Variants in ANAPC10 observed in about 807,000 individuals in gnomAD.
The protein encoded by ANAPC10 is anaphase-promoting complex subunit 10.
Under a neutral mutation model 22.0 loss-of-function variants are expected in ANAPC10, and 12 were observed. The observed-to-expected ratio is 0.55, with a 90% CI of 0.35 to 0.88. ANAPC10 has a LOEUF of 0.88. Among genes scored for constraint, ANAPC10 ranks in the 40% least tolerant of loss-of-function variants. The probability of loss-of-function intolerance (pLI) is 0.01; values close to 1 mark genes in which losing one functional copy is unlikely to be tolerated. For missense variants in ANAPC10, 188 were observed against 220.9 expected (o/e 0.85, Z 0.94); for synonymous variants, 65 against 69.5 (o/e 0.94, Z 0.32).
At position 144,994,687 on chromosome 4, in the gene ANAPC10, C is replaced by T. The variant is rs1339680138; in HGVS notation, c.*686G>A. The T allele has an allele frequency of 2.0e-5, 3 of 151,986 alleles. No individual in the cohort carries two copies. Among genetic ancestry groups the T allele is most frequent in the Non-Finnish European group, 4.4e-5 (3 of 67,938 alleles). The allele number at this position is 151,986 out of a possible 1,614,324, so 9.4% of individuals were successfully genotyped here. A position where few individuals can be genotyped will look rare whatever the true frequency, so the allele number is the denominator to read the frequency against. On this transcript the variant is annotated 3_prime_UTR_variant, in exon 5 of 5. Transcript: ENST00000507656. ...ATGTCAGACACAAATTTGAAAATAA[C>T]TCTTCCATAAGTACTGCTAGAACTC...
intron 3 of ANAPC10, among the ~76,000 whole-genome samples, chr4:145,077,736 T>A (rs928840439): frequency 6.6e-5 from 10 of 152,198 alleles, no homozygotes; most frequent in African/African-American, 2.4e-4. Context: ...AATCAATAAA[T>A]GTCATTCATC....
Position 144,998,096 on chromosome 4 carries a change from C to A in ANAPC10, c.328-2493G>T, listed in dbSNP as rs189870055. Among the ~76,000 whole-genome samples, 23 of 152,276 alleles carry A rather than the reference C, an allele frequency of 1.5e-4. No individual in the cohort carries two copies. The East Asian group carries it at 3.3e-3, about 22-fold the overall frequency. ...ATTCATAAAGCAAGTCCTTAGAGATCTATAAAGAGACTTAGACTCCCACAC... is the reference window on the plus strand; with the variant it reads ...ATTCATAAAGCAAGTCCTTAGAGATATATAAAGAGACTTAGACTCCCACAC... On this transcript the variant is annotated intron_variant, in intron 4 of 4. Coordinates refer to ENST00000507656, the MANE Select transcript of ANAPC10 (RefSeq NM_001256706.2).
At chr4:145,014,474 T>C (rs1265491191) in intron 4 of ANAPC10, among the ~76,000 whole-genome samples, 2 of 151,894 alleles carry the variant, frequency 1.3e-5, no homozygotes, top group African/African-American at 4.8e-5. Flanking sequence ...CACCAAACCC[T>C]GCCCCTACCT....
At position 145,012,798 on chromosome 4, in the gene ANAPC10, T is replaced by A. The variant is rs545050980; in HGVS notation, c.328-17195A>T. On this transcript the variant is annotated intron_variant, in intron 4 of 4. Transcript: ENST00000507656. Reference sequence around the variant, plus strand: ...AAAGGGAGAAACACTTTTTAACTATTTTTATAAGGCCTTGATATAGTTTGG... The same window carrying A: ...AAAGGGAGAAACACTTTTTAACTATATTTATAAGGCCTTGATATAGTTTGG... 3.3e-5 allele frequency among the ~76,000 whole-genome samples: 5 copies of A among 152,230 alleles called. No individual in the cohort carries two copies. In the South Asian group the frequency reaches 1.0e-3, roughly 32 times the overall value.
At chr4:145,029,132 CTGA>C (rs1737170754) in intron 4 of ANAPC10, among the ~76,000 whole-genome samples, 1 of 152,126 alleles carries the variant, frequency 6.6e-6, no homozygotes, top group Non-Finnish European at 1.5e-5. Context: ...TGGGAGGACT[CTGA>C]TGAAGCTGGG....
At chr4:145,036,984 C>A (rs1738638840) in intron 4 of ANAPC10, among the ~76,000 whole-genome samples, 1 of 143,844 alleles carries the variant, frequency 7.0e-6, no homozygotes, top group Non-Finnish European at 1.5e-5. Context: ...TTTCTTATAC[C>A]AAATAGATAA....
At chr4:145,026,960 T>TATATAC (rs1288351253) in intron 4 of ANAPC10, among the ~76,000 whole-genome samples, 1 of 27,914 alleles carries the variant, frequency 3.6e-5, no homozygotes, top group African/African-American at 1.8e-4. Context: ...TGTGTGTGTA[T>TATATAC]ATATATATAT....
intron 3 of ANAPC10, among the ~76,000 whole-genome samples, chr4:145,073,552 T>A (rs1744784134): frequency 6.6e-6 from 1 of 152,136 alleles, no homozygotes; most frequent in African/African-American, 2.4e-5. Context: ...AAAGTATATA[T>A]AGGATTTTAT....
intron 4 of ANAPC10, among the ~76,000 whole-genome samples, chr4:145,011,367 A>AAAATG (rs1734286109): frequency 6.6e-6 from 1 of 150,818 alleles, no homozygotes; most frequent in African/African-American, 2.4e-5. Flanking sequence ...AAAATAAAAT[A>AAAATG]AAATAAAATA....
rs201246162 is a variant in ANAPC10, at chr4:145,081,708, T to C, written c.158A>G (p.Tyr53Cys). 1.9e-6 allele frequency: 3 copies of C among 1,612,762 alleles called. No individual in the cohort carries two copies. Among genetic ancestry groups the C allele is most frequent in the Non-Finnish European group, 2.5e-6 (3 of 1,179,534 alleles). ...AGGCTGGGAACCATCTGATTGCCAATAAGTTTCTAGATTGTCATCTCGTAA... is the reference window on the plus strand; with the variant it reads ...AGGCTGGGAACCATCTGATTGCCAACAAGTTTCTAGATTGTCATCTCGTAA... ...DQLRDDNLET[Y>C]WQSDGSQPHL... Residue 53 changes from tyrosine (Y) to cysteine (C), a missense_variant, in exon 3 of 5, where the codon TAT (tyrosine) becomes TGT (cysteine). Transcript: ENST00000507656.
At chr4:145,020,271 T>C (rs1040844307) in intron 4 of ANAPC10, among the ~76,000 whole-genome samples, 1 of 152,172 alleles carries the variant, frequency 6.6e-6, no homozygotes, top group East Asian at 1.9e-4. Flanking sequence ...GATGCAGGGA[T>C]GGTTTAACAT....
intron 2 of ANAPC10, among the ~76,000 whole-genome samples, chr4:145,085,137 C>A (rs1057229671): frequency 6.6e-6 from 1 of 152,154 alleles, no homozygotes; most frequent in Admixed American, 6.6e-5. Context: ...CTTAGCCAGG[C>A]GTGATGGCAC....
chr4:145,082,126 C>G (rs1746127151), intron 2 of ANAPC10, among the ~76,000 whole-genome samples: 1 of 152,110 alleles, frequency 6.6e-6, no homozygotes, highest in Non-Finnish European at 1.5e-5. Flanking sequence ...TTTGTTGTCA[C>G]CTTTTTAAAA....
intron 4 of ANAPC10, among the ~76,000 whole-genome samples, chr4:145,020,293 T>C (rs1409289409): frequency 6.6e-6 from 1 of 152,086 alleles, no homozygotes; most frequent in East Asian, 1.9e-4. Context: ...CACAAGTCAA[T>C]AAATGTGATA....
rs1331879025 is a variant in ANAPC10 at position 145,096,030 on chromosome 4, C to G, written c.70G>C (p.Glu24Gln). 6.2e-7 allele frequency: 1 copy of G among 1,614,100 alleles called. No individual in the cohort carries two copies. Among genetic ancestry groups the G allele is most frequent in the East Asian group, 2.2e-5 (1 of 44,884 alleles). The change falls in exon 2 of 5, where the codon GAA becomes CAA. Residue 24 changes from glutamate (E) to glutamine (Q), a missense_variant. Transcript: ENST00000507656. ...KQLERTGTVREIGSQAVWSLS... is the reference protein window; with the variant it reads ...KQLERTGTVRQIGSQAVWSLS... ...GACCAAACAGCTTGTGACCCAATTT[C>G]CCGTACTGTTCCAGTCCTTTCCAAC...
chr4:145,026,993 T>G (rs1282887117), intron 4 of ANAPC10, among the ~76,000 whole-genome samples: 1 of 19,226 alleles, frequency 5.2e-5, no homozygotes, highest in Non-Finnish European at 9.3e-5. Context: ...ATATATTTTT[T>G]TTTTTTTTTT....
At chr4:145,089,600 G>T (rs1311245883) in intron 2 of ANAPC10, among the ~76,000 whole-genome samples, 1 of 152,090 alleles carries the variant, frequency 6.6e-6, no homozygotes, top group African/African-American at 2.4e-5. Flanking sequence ...GTTTTGTGGT[G>T]TGTGTTCAAC....
At chr4:145,012,161 TA>T (rs1312181264) in intron 4 of ANAPC10, among the ~76,000 whole-genome samples, 3 of 120,636 alleles carry the variant, frequency 2.5e-5, no homozygotes, top group Non-Finnish European at 5.1e-5. Context: ...AAGCTATATG[TA>T]TATGTGTGTG....
At chr4:145,008,163 A>G (rs1255878975) in intron 4 of ANAPC10, among the ~76,000 whole-genome samples, 1 of 152,164 alleles carries the variant, frequency 6.6e-6, no homozygotes, top group Non-Finnish European at 1.5e-5. Flanking sequence ...CAATAGACCA[A>G]TAACAGGCTC....
Sources: gnomAD v4.1 joint callset for allele counts (sites outside exome capture counted in the v4.1 genomes callset) on GRCh38, gnomAD v4.1.1 for gene constraint, MANE v1.5 for transcripts, NCBI Gene and HGNC (gene_info 2026-07-23, HGNC 2026-07-21) for gene names.